The following MTUS2 variants were observed in gnomAD, a reference collection of about 807,000 sequenced individuals.
The protein encoded by MTUS2 is microtubule associated scaffold protein 2.
Under a neutral mutation model 114.1 loss-of-function variants are expected in MTUS2, and 40 were observed. The ratio of observed to expected loss-of-function variants is 0.35; its 90% CI spans 0.27 to 0.46. The LOEUF (loss-of-function observed/expected upper bound fraction) is 0.46, where lower values mean the gene tolerates loss of function less well. MTUS2 is among the 20% of genes least tolerant of loss of function. The probability of loss-of-function intolerance (pLI) is 1.00; values close to 1 mark genes in which losing one functional copy is unlikely to be tolerated. For missense variants in MTUS2, 1,679 were observed against 1,705.4 expected, an observed-to-expected ratio of 0.98 and a Z score of 0.27; for synonymous variants, 688 against 672.0, an observed-to-expected ratio of 1.02 and a Z score of -0.37.
intron 8 of MTUS2, among the ~76,000 whole-genome samples, chr13:29,367,358 G>T (rs938336947): frequency 1.3e-5 from 2 of 152,126 alleles, no homozygotes; most frequent in African/African-American, 4.8e-5. Flanking sequence ...AGTCTAATTT[G>T]CCTAAAGCTT....
chr13:29,024,042 A>G (rs1278911104), intron 2 of MTUS2, among the ~76,000 whole-genome samples: 1 of 152,204 alleles, frequency 6.6e-6, no homozygotes, highest in Admixed American at 6.5e-5. Context: ...TCTTTTACCC[A>G]ATGTTTGTAC....
At chr13:29,219,395 C>T (rs1486822807) in intron 5 of MTUS2, among the ~76,000 whole-genome samples, 2 of 150,520 alleles carry the variant, frequency 1.3e-5, no homozygotes, top group Non-Finnish European at 3.0e-5. Flanking sequence ...GGGTTGGTTC[C>T]AAGTCTTTGC....
At chr13:29,018,944 A>G (rs1478924032) in intron 2 of MTUS2, among the ~76,000 whole-genome samples, 1 of 152,216 alleles carries the variant, frequency 6.6e-6, no homozygotes, top group African/African-American at 2.4e-5. Flanking sequence ...GCTTCATGCT[A>G]GCAACCCTGA....
chr13:29,153,639 T>A (rs1327335498), intron 5 of MTUS2, among the ~76,000 whole-genome samples: 2 of 152,166 alleles, frequency 1.3e-5, no homozygotes, highest in Non-Finnish European at 2.9e-5. Context: ...TGGGCTCAAT[T>A]ACACACTGCC....
At chr13:29,225,215 C>T (rs1896059796) in intron 5 of MTUS2, among the ~76,000 whole-genome samples, 1 of 152,230 alleles carries the variant, frequency 6.6e-6, no homozygotes, top group Non-Finnish European at 1.5e-5. Context: ...TCTTTGTGTT[C>T]TCTTCCAATT....
At chr13:29,372,065 A>G (rs1292309883) in intron 8 of MTUS2, among the ~76,000 whole-genome samples, 1 of 144,230 alleles carries the variant, frequency 6.9e-6, no homozygotes, top group East Asian at 2.1e-4. Context: ...ATCATTTCAC[A>G]GTGTAGATGT....
chr13:29,145,182 AAG>A (rs1196253339), intron 5 of MTUS2, among the ~76,000 whole-genome samples: 7 of 152,058 alleles, frequency 4.6e-5, no homozygotes. Context: ...GTAAGACAAA[AAG>A]GACACAATTT....
intron 7 of MTUS2, among the ~76,000 whole-genome samples, chr13:29,335,798 C>G (rs1173827158): frequency 6.6e-6 from 1 of 152,148 alleles, no homozygotes; most frequent in African/African-American, 2.4e-5. Context: ...AACTTGGTTC[C>G]TTTCTCACCA....
intron 5 of MTUS2, among the ~76,000 whole-genome samples, chr13:29,245,544 T>C (rs1896889293): frequency 6.6e-6 from 1 of 152,206 alleles, no homozygotes; most frequent in Non-Finnish European, 1.5e-5. Context: ...TCCATCCTTA[T>C]AACTCATGAA....
At chr13:29,375,584 TATACG>T (rs1566163531) in intron 8 of MTUS2, among the ~76,000 whole-genome samples, 45 of 4,144 alleles carry the variant, frequency 0.011, 1 homozygote, top group East Asian at 0.017. Context: ...CATATATATA[TATACG>T]TATATATATA....
At chr13:29,385,988 A>C (rs1265393054) in intron 8 of MTUS2, among the ~76,000 whole-genome samples, 2 of 152,130 alleles carry the variant, frequency 1.3e-5, no homozygotes, top group Admixed American at 6.6e-5. Context: ...AGCTTCTTGG[A>C]CCCTCAGTAA....
At chr13:29,065,573 A>G (rs1246685836) in intron 4 of MTUS2, among the ~76,000 whole-genome samples, 2 of 151,980 alleles carry the variant, frequency 1.3e-5, no homozygotes, top group Admixed American at 6.6e-5. Context: ...TCCCCTGTAA[A>G]TTTGTCTATT....
At chr13:29,369,470 G>A (rs947394359) in intron 8 of MTUS2, among the ~76,000 whole-genome samples, 15 of 152,248 alleles carry the variant, frequency 9.9e-5, no homozygotes, top group African/African-American at 3.4e-4. Flanking sequence ...CCACAAACCT[G>A]ATTGAAACGA....
At chr13:29,470,792 G>T (rs3011612) in intron 9 of MTUS2, among the ~76,000 whole-genome samples, 27,669 of 152,104 alleles carry the variant, frequency 0.18, 2,591 homozygotes, top group African/African-American at 0.22. Flanking sequence ...CCCACTGGTT[G>T]TCTTTCTCTC....
At chr13:28,866,245 T>C (rs772731261) in intron 2 of MTUS2, among the ~76,000 whole-genome samples, 1 of 152,176 alleles carries the variant, frequency 6.6e-6, no homozygotes, top group Admixed American at 6.5e-5. Context: ...ACTATCTCGT[T>C]GTTTTGACCC....
At chr13:29,117,475 T>C (rs1891137296) in intron 5 of MTUS2, among the ~76,000 whole-genome samples, 1 of 152,066 alleles carries the variant, frequency 6.6e-6, no homozygotes, top group South Asian at 2.1e-4. Flanking sequence ...CCCCACCCAC[T>C]CTCCTTGGTT....
intron 5 of MTUS2, among the ~76,000 whole-genome samples, chr13:29,244,367 G>T (rs968053776): frequency 1.1e-4 from 16 of 152,160 alleles, no homozygotes; most frequent in African/African-American, 3.6e-4. Flanking sequence ...GTAAGGACAG[G>T]GTGGTAGATT....
At chr13:29,160,869 A>G (rs1893067749) in intron 5 of MTUS2, among the ~76,000 whole-genome samples, 1 of 152,234 alleles carries the variant, frequency 6.6e-6, no homozygotes. Flanking sequence ...GATAAACACA[A>G]CAACCTTGAT....
At chr13:29,178,073 C>T (rs946164524) in intron 5 of MTUS2, among the ~76,000 whole-genome samples, 3 of 152,108 alleles carry the variant, frequency 2.0e-5, no homozygotes, top group African/African-American at 7.2e-5. Flanking sequence ...TGGCTGCAGT[C>T]CTTCATGGGA....
Sources: allele counts gnomAD v4.1 joint callset (sites outside exome capture counted in the v4.1 genomes callset), GRCh38; gene constraint gnomAD v4.1.1; transcripts MANE v1.5; gene names NCBI Gene and HGNC (gene_info 2026-07-23, HGNC 2026-07-21).